ATP6V0E1: variants seen among roughly 807,000 people sequenced by gnomAD.
ATP6V0E1 encodes the protein V-type proton ATPase subunit e 1.
Under a neutral mutation model 11.6 loss-of-function variants are expected in ATP6V0E1, and 4 were observed. The observed-to-expected ratio is 0.35, with a 90% confidence interval of 0.17 to 0.79. The LOEUF is 0.79. Ranked by LOEUF, ATP6V0E1 falls within the 30% of genes least tolerant of loss-of-function variation. The pLI, the probability that ATP6V0E1 is intolerant of heterozygous loss-of-function variation, is 0.54. For synonymous variants in ATP6V0E1, 36 were observed against 34.8 expected (o/e 1.04, Z -0.13); for missense variants, 105 against 100.0 (o/e 1.05, Z -0.21).
In ATP6V0E1 at chr5:173,019,570, T is replaced by G. The variant is rs555792136; in HGVS notation, c.153-668T>G. Among the ~76,000 whole-genome samples, 14 of 151,510 alleles carry G rather than the reference T, an allele frequency of 9.2e-5. No homozygotes were observed. In the East Asian group the frequency reaches 2.7e-3, roughly 29 times the overall value. Reference sequence around the variant, plus strand: ...CTCCATCTCAAAAAAAAAAAAACCCTGAAGTAAGATGTGACACCATTTTAC... The same window carrying G: ...CTCCATCTCAAAAAAAAAAAAACCCGGAAGTAAGATGTGACACCATTTTAC... On this transcript the variant is annotated intron_variant, in intron 2 of 3. Coordinates refer to ENST00000519374, the MANE Select transcript of ATP6V0E1 (RefSeq NM_003945.4).
chr5:173,034,503 C>T lies in ATP6V0E1; in HGVS notation c.*141C>T. On this transcript the variant is annotated 3_prime_UTR_variant, in exon 4 of 4. Transcript: ENST00000519374. ...TTAGCTGCCTTAAACGTTAACAGCA[C>T]ATTTGAATGCCTTATTCTACAATGC... 1.4e-6 allele frequency: 1 copy of T among 699,140 alleles called. No homozygotes were observed. The highest frequency in any genetic ancestry group is 2.6e-6 in the Non-Finnish European group (1 of 381,744). 43.3% of individuals were successfully genotyped at this position (699,140 alleles called of 1,614,324 possible).
chr5:173,002,927 T>G (rs186082318), intron 2 of ATP6V0E1, among the ~76,000 whole-genome samples: 1 of 152,074 alleles, frequency 6.6e-6, no homozygotes, highest in East Asian at 1.9e-4. Flanking sequence ...GTATCCCACC[T>G]GTAGTCCCAG....
At chr5:172,996,079 G>C (rs1756060435) in intron 2 of ATP6V0E1, among the ~76,000 whole-genome samples, 1 of 152,154 alleles carries the variant, frequency 6.6e-6, no homozygotes, top group Non-Finnish European at 1.5e-5. Context: ...ATAGATGAAA[G>C]ACCATGACTT....
intron 1 of ATP6V0E1, among the ~76,000 whole-genome samples, chr5:172,993,794 C>T (rs897651060): frequency 1.3e-5 from 2 of 150,260 alleles, no homozygotes; most frequent in African/African-American, 2.5e-5. Flanking sequence ...TCAGTTGAGC[C>T]GAGGAGTTGG....
chr5:172,997,178 A>C (rs1303545428), intron 2 of ATP6V0E1, among the ~76,000 whole-genome samples: 1 of 152,244 alleles, frequency 6.6e-6, no homozygotes, highest in African/African-American at 2.4e-5. Context: ...GAGAATCAAA[A>C]TTGTCAAATT....
At chr5:172,997,418 T>G (rs577518325) in intron 2 of ATP6V0E1, among the ~76,000 whole-genome samples, 51 of 152,330 alleles carry the variant, frequency 3.3e-4, no homozygotes, top group African/African-American at 1.1e-3. Flanking sequence ...AGTCTGTATA[T>G]GCAAAGTAAG....
At chr5:172,989,607 G>C (rs936068726) in intron 1 of ATP6V0E1, among the ~76,000 whole-genome samples, 3 of 149,656 alleles carry the variant, frequency 2.0e-5, no homozygotes, top group Non-Finnish European at 4.4e-5. Context: ...GCTCACTACA[G>C]CCTCTGCCTC....
At chr5:173,003,156 T>A (rs1033195478) in intron 2 of ATP6V0E1, among the ~76,000 whole-genome samples, 1 of 152,078 alleles carries the variant, frequency 6.6e-6, no homozygotes, top group African/African-American at 2.4e-5. Context: ...GTGCAGGTCC[T>A]TGTGTGATTG....
chr5:172,997,962 A>T (rs1336873925), intron 2 of ATP6V0E1, among the ~76,000 whole-genome samples: 1 of 151,988 alleles, frequency 6.6e-6, no homozygotes, highest in Non-Finnish European at 1.5e-5. Flanking sequence ...ACAAAAAATT[A>T]TCCGATTGTG....
chr5:173,024,712 C>T (rs765655269), intron 3 of ATP6V0E1, among the ~76,000 whole-genome samples: 11 of 151,992 alleles, frequency 7.2e-5, no homozygotes. Flanking sequence ...ATAATTGCTT[C>T]TAAGCCTTTT....
At chr5:173,003,828 T>C (rs1388834351) in intron 2 of ATP6V0E1, among the ~76,000 whole-genome samples, 1 of 151,822 alleles carries the variant, frequency 6.6e-6, no homozygotes, top group Non-Finnish European at 1.5e-5. Flanking sequence ...TGCCCAAGAG[T>C]TGTCAAACAG....
chr5:173,010,889 G>C (rs1319773403), intron 2 of ATP6V0E1, among the ~76,000 whole-genome samples: 5 of 152,216 alleles, frequency 3.3e-5, no homozygotes, highest in African/African-American at 4.8e-5. Flanking sequence ...CAGGGCTTGA[G>C]AGAGCTGAGT....
At chr5:173,014,848 A>G (rs149456028) in intron 2 of ATP6V0E1, among the ~76,000 whole-genome samples, 1 of 152,280 alleles carries the variant, frequency 6.6e-6, no homozygotes, top group Admixed American at 6.5e-5. Context: ...TAGGGTGACT[A>G]TACTCAGCAA....
chr5:173,008,506 T>A (rs1192427522), intron 2 of ATP6V0E1, among the ~76,000 whole-genome samples: 2 of 150,394 alleles, frequency 1.3e-5, no homozygotes, highest in South Asian at 4.2e-4. Context: ...TCACTATGTT[T>A]GCCAGCATGG....
intron 2 of ATP6V0E1, among the ~76,000 whole-genome samples, chr5:172,998,609 TAAAA>T (rs59297626): frequency 0.013 from 1,586 of 119,912 alleles, 14 homozygotes; most frequent in Middle Eastern, 0.047. Flanking sequence ...GACTCCATCT[TAAAA>T]AAAAAAAAAA....
intron 3 of ATP6V0E1, 58 bp downstream of exon 3, chr5:173,020,425 AC>A: frequency 9.5e-7 from 1 of 1,050,856 alleles, no homozygotes; most frequent in East Asian, 2.5e-5. Flanking sequence ...GTTTGCCTTG[AC>A]TTTTTCTCAC....
chr5:173,030,023 G>T (rs998808099), intron 3 of ATP6V0E1, among the ~76,000 whole-genome samples: 2 of 152,108 alleles, frequency 1.3e-5, no homozygotes, highest in African/African-American at 4.8e-5. Flanking sequence ...ACACTCTCCC[G>T]TGAAAATTCC....
chr5:172,995,687 T>A (rs904756945), intron 2 of ATP6V0E1, among the ~76,000 whole-genome samples: 1 of 152,168 alleles, frequency 6.6e-6, no homozygotes, highest in Non-Finnish European at 1.5e-5. Flanking sequence ...CAATCATAGC[T>A]CACTGCAGCC....
intron 3 of ATP6V0E1, among the ~76,000 whole-genome samples, chr5:173,031,999 C>T (rs780592181): frequency 2.0e-5 from 3 of 149,960 alleles, no homozygotes; most frequent in Non-Finnish European, 4.4e-5. Context: ...ACAAAAAATA[C>T]AAAAATCAGC....
Sources: gnomAD v4.1 joint callset for allele counts (sites outside exome capture counted in the v4.1 genomes callset) on GRCh38, gnomAD v4.1.1 for gene constraint, MANE v1.5 for transcripts, NCBI Gene and HGNC (gene_info 2026-07-23, HGNC 2026-07-21) for gene names.